The following FOXP2 variants were observed in gnomAD, a reference collection of about 807,000 sequenced individuals.
FOXP2 encodes the protein forkhead box protein P2.
Under a neutral mutation model 115.8 loss-of-function variants are expected in FOXP2, and 12 were observed. The ratio of observed to expected loss-of-function variants is 0.10; its 90% CI spans 0.07 to 0.17. The LOEUF (loss-of-function observed/expected upper bound fraction) is 0.17. Ranked by LOEUF, FOXP2 falls within the 10% of genes least tolerant of loss-of-function variation. The pLI, the probability that FOXP2 is intolerant of heterozygous loss-of-function variation, is 1.00. For missense variants in FOXP2, 629 were observed against 843.5 expected (o/e 0.75, Z 3.15); for synonymous variants, 328 against 297.7 (o/e 1.10, Z -1.05).
At chr7:114,653,892 C>G in intron 9 of FOXP2, 34 bp from the exon 10 acceptor site, 38 of 1,601,512 alleles carry the variant, frequency 2.4e-5, no homozygotes, top group Non-Finnish European at 3.2e-5. Flanking sequence ...TCAGTCATTT[C>G]TAAAACGCTT....
intron 1 of FOXP2, among the ~76,000 whole-genome samples, chr7:114,211,503 GT>G (rs1320932750): frequency 6.6e-6 from 1 of 152,202 alleles, no homozygotes; most frequent in African/African-American, 2.4e-5. Flanking sequence ...GGGTTGAGCT[GT>G]TTGCCTAGTC....
intron 1 of FOXP2, among the ~76,000 whole-genome samples, chr7:114,191,095 C>A (rs563973784): frequency 6.6e-6 from 1 of 152,152 alleles, no homozygotes; most frequent in Non-Finnish European, 1.5e-5. Context: ...GTATAACTCA[C>A]GTATTAGCAT....
chr7:114,270,116 G>A (rs185213539), intron 1 of FOXP2, among the ~76,000 whole-genome samples: 69 of 152,230 alleles, frequency 4.5e-4, no homozygotes, highest in Admixed American at 2.4e-3. Context: ...AATAATATAC[G>A]TTTAAGGTTT....
chr7:114,477,297 A>G (rs2129234535), intron 2 of FOXP2, among the ~76,000 whole-genome samples: 1 of 152,132 alleles, frequency 6.6e-6, no homozygotes, highest in Admixed American at 6.6e-5. Flanking sequence ...AAAATATAGT[A>G]CCATGTACAT....
intron 1 of FOXP2, among the ~76,000 whole-genome samples, chr7:114,097,303 T>C (rs1027281341): frequency 1.1e-4 from 16 of 152,238 alleles, no homozygotes; most frequent in African/African-American, 3.9e-4. Context: ...TCCCACCATC[T>C]AGTTCCTGGT....
At chr7:114,267,020 GA>G (rs955520712) in intron 1 of FOXP2, among the ~76,000 whole-genome samples, 2 of 151,744 alleles carry the variant, frequency 1.3e-5, no homozygotes, top group African/African-American at 2.4e-5. Context: ...TGGAAGGAGG[GA>G]AAAAAACAAA....
At chr7:114,110,920 G>A (rs188456369) in intron 1 of FOXP2, among the ~76,000 whole-genome samples, 2 of 152,160 alleles carry the variant, frequency 1.3e-5, no homozygotes, top group East Asian at 1.9e-4. Flanking sequence ...TCCTCCATAA[G>A]CATTCATTCA....
intron 6 of FOXP2, among the ~76,000 whole-genome samples, chr7:114,639,540 T>G (rs116121204): frequency 2.5e-5 from 3 of 121,608 alleles, no homozygotes; most frequent in Admixed American, 9.7e-5. Flanking sequence ...AAAAAAAAGC[T>G]GGATGAGGAG....
intron 1 of FOXP2, among the ~76,000 whole-genome samples, chr7:114,234,768 C>T (rs1259812781): frequency 6.6e-6 from 1 of 152,042 alleles, no homozygotes; most frequent in Non-Finnish European, 1.5e-5. Context: ...GCATTCTTGC[C>T]CTGCATTTTC....
intron 3 of FOXP2, among the ~76,000 whole-genome samples, chr7:114,550,219 G>A (rs1221005611): frequency 6.7e-6 from 1 of 148,694 alleles, no homozygotes; most frequent in Non-Finnish European, 1.5e-5. Flanking sequence ...CTGGGTTGAC[G>A]CCATTCTCCT....
At chr7:114,620,969 C>G (rs193206576) in intron 3 of FOXP2, among the ~76,000 whole-genome samples, 115 of 152,020 alleles carry the variant, frequency 7.6e-4, no homozygotes, top group African/African-American at 2.5e-3. Context: ...AAATTCTGGG[C>G]AAAACTCTCT....
chr7:114,639,742 T>A (rs1342739020), intron 6 of FOXP2, among the ~76,000 whole-genome samples: 2 of 152,138 alleles, frequency 1.3e-5, no homozygotes, highest in Admixed American at 6.6e-5. Context: ...AGAAGGCTGG[T>A]ATAACAGAAT....
chr7:114,137,574 A>C lies in FOXP2; in HGVS notation c.-246-25370A>C, dbSNP rs746446842. Reference sequence around the variant, plus strand: ...TTTTGAGTTCAATTTAATTCTATTTAAGTTATATTCTGGCTGAAGTTCAGT... The same window carrying C: ...TTTTGAGTTCAATTTAATTCTATTTCAGTTATATTCTGGCTGAAGTTCAGT... On this transcript the variant is annotated intron_variant, in intron 1 of 19. Transcript: ENST00000635638. Among the ~76,000 whole-genome samples, 59 of 152,270 alleles carry C rather than the reference A, an allele frequency of 3.9e-4. No individual in the cohort carries two copies. In the Middle Eastern group the frequency reaches 0.01, roughly 26 times the overall value.
chr7:114,223,927 A>G (rs992198243), intron 1 of FOXP2, among the ~76,000 whole-genome samples: 2 of 152,038 alleles, frequency 1.3e-5, no homozygotes, highest in African/African-American at 4.8e-5. Context: ...CCACAATCAC[A>G]AAGTTATTTT....
intron 2 of FOXP2, among the ~76,000 whole-genome samples, chr7:114,369,816 G>A (rs1584671893): frequency 6.6e-6 from 1 of 151,754 alleles, no homozygotes; most frequent in East Asian, 1.9e-4. Flanking sequence ...ATGCTTAATC[G>A]AGTTCCTTCT....
chr7:114,363,100 A>G (rs547746560), intron 2 of FOXP2, among the ~76,000 whole-genome samples: 1 of 152,114 alleles, frequency 6.6e-6, no homozygotes, highest in Non-Finnish European at 1.5e-5. Context: ...GGGATAATAG[A>G]TCAAAACAAA....
chr7:114,248,684 A>G (rs970043851), intron 1 of FOXP2, among the ~76,000 whole-genome samples: 16 of 152,212 alleles, frequency 1.1e-4, no homozygotes, highest in African/African-American at 3.9e-4. Context: ...GTCCTCAGGA[A>G]AGGTTACCAC....
chr7:114,536,397 CTTTTTTTT>C (rs3997242), intron 3 of FOXP2, among the ~76,000 whole-genome samples: 5 of 112,372 alleles, frequency 4.4e-5, no homozygotes, highest in Non-Finnish European at 9.1e-5. Flanking sequence ...TTTTTCTTTT[CTTTTTTTT>C]TTTTTTTTTT....
At chr7:114,499,876 A>C (rs1353374219) in intron 2 of FOXP2, 1 of 152,154 alleles carries the variant, frequency 6.6e-6, no homozygotes, top group Non-Finnish European at 1.5e-5. Context: ...CAGGAAATAG[A>C]ATTCAAAAGG....
Sources: gnomAD v4.1 joint callset for allele counts (sites outside exome capture counted in the v4.1 genomes callset) on GRCh38, gnomAD v4.1.1 for gene constraint, MANE v1.5 for transcripts, NCBI Gene and HGNC (gene_info 2026-07-23, HGNC 2026-07-21) for gene names.